MTSS1: variants seen among roughly 807,000 people sequenced by gnomAD.
MTSS1 encodes the protein protein MTSS 1.
In MTSS1, 18 loss-of-function variants were observed where a neutral mutation model predicts 79.0. That is an observed-to-expected ratio of 0.23 (90% confidence interval 0.16 to 0.34). The LOEUF (loss-of-function observed/expected upper bound fraction) is 0.34. Ranked by LOEUF, MTSS1 falls within the 10% of genes least tolerant of loss-of-function variation. The pLI is 1.00. For synonymous variants in MTSS1, 341 were observed against 368.6 expected (o/e 0.93, Z 0.86); for missense variants, 815 against 986.2 (o/e 0.83, Z 2.33).
At chr8:124,614,543 C>T (rs1377410674) in intron 3 of MTSS1, among the ~76,000 whole-genome samples, 4 of 152,206 alleles carry the variant, frequency 2.6e-5, no homozygotes, top group African/African-American at 7.2e-5. Flanking sequence ...CACAAAGAGG[C>T]GCAGGATCCA....
At chr8:124,568,304 G>T in intron 7 of MTSS1, 75 bp downstream of exon 7, 1 of 1,507,988 alleles carries the variant, frequency 6.6e-7, no homozygotes, top group Non-Finnish European at 9.0e-7. Flanking sequence ...TGACTCAACA[G>T]TGGATGGATA....
chr8:124,696,472 A>G (rs1325827291), intron 3 of MTSS1, among the ~76,000 whole-genome samples: 1 of 152,172 alleles, frequency 6.6e-6, no homozygotes, highest in African/African-American at 2.4e-5. Context: ...ACACTCCCAC[A>G]TTCAATGAAA....
At chr8:124,699,729 G>A in intron 2 of MTSS1, 130 bp from the exon 3 acceptor site, 5 of 797,072 alleles carry the variant, frequency 6.3e-6, no homozygotes, top group Middle Eastern at 4.6e-4. Context: ...ACTGAGCATG[G>A]ACAACCACTG....
chr8:124,589,622 T>C lies in MTSS1; in HGVS notation c.383A>G (p.Lys128Arg), dbSNP rs1433731120. The C allele has an allele frequency of 1.2e-6, 2 of 1,612,762 alleles. No homozygotes were observed. Among genetic ancestry groups the C allele is most frequent in the Non-Finnish European group, 1.7e-6 (2 of 1,179,414 alleles). ...VANQLDKDHA[K>R]EYKKARQEIK... ...CGCTAGACATCTCGCCCCTGTACCT[T>C]TTGCGTGGTCTTTATCCAGCTGGTT... The change falls in exon 5 of 14, where the codon AAA (lysine) becomes AGA (arginine). Residue 128 changes from lysine to arginine, a missense_variant and splice_region_variant. Lys to Arg is a conservative substitution (Grantham distance 26). This residue lies in a region of MTSS1 where 225 missense variants were observed against 365.4 expected (regional missense o/e 0.62). Coordinates refer to ENST00000518547, the MANE Select transcript of MTSS1 (RefSeq NM_014751.6).
chr8:124,626,697 T>C (rs1185351097), intron 3 of MTSS1, among the ~76,000 whole-genome samples: 3 of 151,790 alleles, frequency 2.0e-5, no homozygotes, highest in South Asian at 2.1e-4. Context: ...GTCATGGGAA[T>C]GGGGTGGTTA....
chr8:124,676,651 G>C (rs928782705), intron 3 of MTSS1, among the ~76,000 whole-genome samples: 17 of 152,218 alleles, frequency 1.1e-4, no homozygotes, highest in African/African-American at 3.9e-4. Flanking sequence ...AAAACAAAGA[G>C]TCTCAACTCC....
intron 11 of MTSS1, 104 bp downstream of exon 11, chr8:124,557,577 G>T: frequency 8.4e-7 from 1 of 1,196,722 alleles, no homozygotes; most frequent in Non-Finnish European, 1.2e-6. Context: ...GGCAGAGTGT[G>T]AAAGGAAGGG....
At chr8:124,697,995 T>C (rs1235192681) in intron 3 of MTSS1, 1 of 152,222 alleles carries the variant, frequency 6.6e-6, no homozygotes, top group East Asian at 1.9e-4. Flanking sequence ...TATATTCCCC[T>C]AGCACTTTGT....
At chr8:124,656,287 C>T (rs555255221) in intron 3 of MTSS1, among the ~76,000 whole-genome samples, 2 of 152,186 alleles carry the variant, frequency 1.3e-5, no homozygotes, top group African/African-American at 4.8e-5. Context: ...GCTGAACTGG[C>T]AAGGAGGACA....
chr8:124,584,765 T>C (rs1830573965), intron 6 of MTSS1, among the ~76,000 whole-genome samples: 1 of 152,210 alleles, frequency 6.6e-6, no homozygotes, highest in Middle Eastern at 3.2e-3. Context: ...TAGAGAACAT[T>C]TGCATAAAGG....
chr8:124,630,360 G>A (rs1815677035), intron 3 of MTSS1, among the ~76,000 whole-genome samples: 1 of 150,878 alleles, frequency 6.6e-6, no homozygotes, highest in Non-Finnish European at 1.5e-5. Flanking sequence ...CACATGGGAG[G>A]AAAGGTGGGG....
At position 124,551,865 on chromosome 8, in the gene MTSS1, G is replaced by C. The variant is rs1187355403; in HGVS notation, c.*1127C>G. Reference sequence around the variant, plus strand: ...CCAGTTAACTGCCATTTATTTGAAAGAAGAAAAGAAAAACAAGCCCCCAGA... The same window carrying C: ...CCAGTTAACTGCCATTTATTTGAAACAAGAAAAGAAAAACAAGCCCCCAGA... On this transcript the variant is annotated 3_prime_UTR_variant, in exon 14 of 14. Transcript: ENST00000518547. The C allele has an allele frequency of 2.0e-5, 3 of 152,574 alleles. No individual in the cohort carries two copies. The highest frequency in any genetic ancestry group is 7.2e-5 in the African/African-American group (3 of 41,446). The allele number at this position is 152,574 out of a possible 1,614,324, so 9.5% of individuals were successfully genotyped here.
chr8:124,551,942 A>T lies in MTSS1; in HGVS notation c.*1050T>A, dbSNP rs1822586669. On this transcript the variant is annotated 3_prime_UTR_variant, in exon 14 of 14. Transcript: ENST00000518547. ...GACTCCAAGCTGGCTACCCTTGTCA[A>T]ATCTGTTCGAGTTTTTTCAAAATAC... 1 of 152,672 alleles carries T rather than the reference A, an allele frequency of 6.5e-6. No homozygotes were observed. Among genetic ancestry groups the T allele is most frequent in the Non-Finnish European group, 1.5e-5 (1 of 68,044 alleles). The allele number at this position is 152,672 out of a possible 1,614,324, so 9.5% of individuals were successfully genotyped here. A position where few individuals can be genotyped will look rare whatever the true frequency, so the allele number is the denominator to read the frequency against.
intron 3 of MTSS1, among the ~76,000 whole-genome samples, chr8:124,657,208 C>T (rs912769872): frequency 6.6e-6 from 1 of 152,048 alleles, no homozygotes; most frequent in African/African-American, 2.4e-5. Flanking sequence ...GGGTGAAATA[C>T]TAAATGCCTG....
At chr8:124,658,468 C>T (rs1821393296) in intron 3 of MTSS1, among the ~76,000 whole-genome samples, 1 of 152,184 alleles carries the variant, frequency 6.6e-6, no homozygotes, top group East Asian at 1.9e-4. Flanking sequence ...TACCCAATCT[C>T]GGGTATGTCT....
At chr8:124,621,102 T>C (rs1487482462) in intron 3 of MTSS1, among the ~76,000 whole-genome samples, 1 of 151,986 alleles carries the variant, frequency 6.6e-6, no homozygotes, top group Non-Finnish European at 1.5e-5. Context: ...TTCCCACGCA[T>C]CCCACTCTTC....
rs147336518 is a variant in MTSS1, at chr8:124,688,105, A to C, written c.208+11421T>G. 5.7e-3 allele frequency among the ~76,000 whole-genome samples: 867 copies of C among 152,326 alleles called. 2 individuals are homozygous for C. The highest frequency in any genetic ancestry group is 8.4e-3 in the Non-Finnish European group (574 of 68,028). On this transcript the variant is annotated intron_variant, in intron 3 of 13. Transcript: ENST00000518547. The stretch of plus-strand genomic sequence containing the variant: ...ACAGCAGTGTCTTTTACTAGAAATA[A>C]GAGTTCCATTTCAATTGTAAACATT...
intron 6 of MTSS1, chr8:124,580,568 G>C (rs577679625): frequency 3.0e-5 from 46 of 1,534,880 alleles, no homozygotes; most frequent in African/African-American, 2.7e-4. Flanking sequence ...GTCCACTGGC[G>C]GGGGGGCACA....
At chr8:124,685,871 A>G (rs1188566931) in intron 3 of MTSS1, among the ~76,000 whole-genome samples, 1 of 152,194 alleles carries the variant, frequency 6.6e-6, no homozygotes, top group Non-Finnish European at 1.5e-5. Flanking sequence ...GAAGTTGGAG[A>G]CAGACAAGTG....
Sources: allele counts gnomAD v4.1 joint callset (sites outside exome capture counted in the v4.1 genomes callset), GRCh38; gene constraint gnomAD v4.1.1; regional missense constraint gnomAD v4.1.1; transcripts MANE v1.5; gene names NCBI Gene and HGNC (gene_info 2026-07-23, HGNC 2026-07-21).